The following TBC1D22A variants were observed in gnomAD, a reference collection of about 807,000 sequenced individuals.
TBC1D22A encodes the protein TBC1 domain family member 22A.
A neutral mutation model predicts 60.2 loss-of-function variants in TBC1D22A; 38 were observed. The observed-to-expected ratio is 0.63, with a 90% confidence interval of 0.49 to 0.83. The LOEUF (loss-of-function observed/expected upper bound fraction) is 0.83. Among genes scored for constraint, TBC1D22A ranks in the 40% least tolerant of loss-of-function variants. TBC1D22A has a pLI of 0.00. For synonymous variants in TBC1D22A, 302 were observed against 281.7 expected (o/e 1.07, Z -0.72); for missense variants, 628 against 701.0 (o/e 0.90, Z 1.18).
rs764790348 is a variant in TBC1D22A at position 47,009,632 on chromosome 22, C to T, written c.1201+11923C>T. ...ATCATCATTACTATCACCATCATTT[C>T]ATCACCGTCATCATTACCATCATCA... On this transcript the variant is annotated intron_variant, in intron 10 of 12. Coordinates refer to ENST00000337137, the MANE Select transcript of TBC1D22A (RefSeq NM_014346.5). This position sits in a 1 kb window ranked among gnomAD's most constrained non-coding sequence, Gnocchi z 5.8. Among the ~76,000 whole-genome samples the T allele has an allele frequency of 9.2e-5, 14 of 151,994 alleles. No individual in the cohort carries two copies. The East Asian group carries it at 1.4e-3, about 15-fold the overall frequency.
chr22:46,977,270 C>G (rs960750300), intron 9 of TBC1D22A, among the ~76,000 whole-genome samples: 5 of 152,142 alleles, frequency 3.3e-5, no homozygotes, highest in African/African-American at 1.2e-4. Flanking sequence ...TTTTGGCTCA[C>G]TTTGGAGCCT....
chr22:46,979,004 T>C (rs1158004249), intron 9 of TBC1D22A, among the ~76,000 whole-genome samples: 4 of 152,210 alleles, frequency 2.6e-5, no homozygotes, highest in African/African-American at 9.6e-5. Context: ...TAAAGGGTAG[T>C]TGTGATATGA....
chr22:47,003,927 C>T (rs370285086), intron 10 of TBC1D22A, among the ~76,000 whole-genome samples: 87 of 147,196 alleles, frequency 5.9e-4, no homozygotes, highest in African/African-American at 2.0e-3. Context: ...ACCCTACGCA[C>T]GCATGCCTGT....
intron 5 of TBC1D22A, among the ~76,000 whole-genome samples, chr22:46,883,362 T>G (rs1051415456): frequency 6.6e-6 from 1 of 152,244 alleles, no homozygotes; most frequent in Non-Finnish European, 1.5e-5. Context: ...CAATTAAGTT[T>G]TCTGTAGTTC....
intron 4 of TBC1D22A, among the ~76,000 whole-genome samples, chr22:46,835,252 A>C (rs2035033898): frequency 6.6e-6 from 1 of 152,378 alleles, no homozygotes; most frequent in South Asian, 2.1e-4. Context: ...CGAAAAGAAC[A>C]TTATAACTTT....
intron 9 of TBC1D22A, among the ~76,000 whole-genome samples, chr22:46,977,915 C>T (rs2074366036): frequency 6.6e-6 from 1 of 152,230 alleles, no homozygotes; most frequent in Non-Finnish European, 1.5e-5. Flanking sequence ...GCCTCCAGCA[C>T]AGGGGATTAC....
At chr22:46,770,139 A>C (rs908928497) in intron 1 of TBC1D22A, among the ~76,000 whole-genome samples, 15 of 152,230 alleles carry the variant, frequency 9.9e-5, no homozygotes, top group African/African-American at 3.6e-4. Flanking sequence ...GGACGTGGTC[A>C]GAGACATGGT....
chr22:46,887,128 C>T (rs1453722972), intron 5 of TBC1D22A, among the ~76,000 whole-genome samples: 1 of 152,178 alleles, frequency 6.6e-6, no homozygotes. Flanking sequence ...GATATGAACA[C>T]CTGTGAATCA....
At chr22:47,171,746 G>A (rs76020163) in intron 12 of TBC1D22A, among the ~76,000 whole-genome samples, 3,280 of 152,108 alleles carry the variant, frequency 0.022, 51 homozygotes, top group Middle Eastern at 0.044. Context: ...TCAGGCGGTG[G>A]TCGTGGGGGG....
intron 12 of TBC1D22A, among the ~76,000 whole-genome samples, chr22:47,172,656 T>C (rs1186355348): frequency 1.3e-5 from 2 of 152,232 alleles, no homozygotes. Context: ...AATTAATTTT[T>C]AAATCTCAGT....
intron 8 of TBC1D22A, among the ~76,000 whole-genome samples, chr22:46,945,416 CT>C (rs1402186850): frequency 6.6e-6 from 1 of 152,166 alleles, no homozygotes; most frequent in Non-Finnish European, 1.5e-5. Flanking sequence ...AAGAACTTTC[CT>C]TGTTATTATG....
intron 12 of TBC1D22A, among the ~76,000 whole-genome samples, chr22:47,160,292 C>T (rs908423853): frequency 9.9e-5 from 15 of 152,236 alleles, no homozygotes; most frequent in Admixed American, 5.9e-4. Flanking sequence ...GGGTGCCCAG[C>T]AGAGTTCTCA....
At chr22:47,120,970 C>G (rs2066250563) in intron 12 of TBC1D22A, among the ~76,000 whole-genome samples, 1 of 152,188 alleles carries the variant, frequency 6.6e-6, no homozygotes, top group Non-Finnish European at 1.5e-5. Context: ...ACATCATAAA[C>G]AAAATTCAAA....
At chr22:47,008,923 C>T (rs902756189) in intron 10 of TBC1D22A, among the ~76,000 whole-genome samples, 1 of 152,114 alleles carries the variant, frequency 6.6e-6, no homozygotes, top group Non-Finnish European at 1.5e-5. Flanking sequence ...AGGCCAGGAG[C>T]AACAATGGGA....
intron 5 of TBC1D22A, among the ~76,000 whole-genome samples, chr22:46,888,736 C>T (rs2068245365): frequency 6.6e-6 from 1 of 152,228 alleles, no homozygotes; most frequent in Non-Finnish European, 1.5e-5. Context: ...GAGACAGAGC[C>T]TTGCTCTGTT....
At chr22:46,977,387 C>T (rs1284877932) in intron 9 of TBC1D22A, among the ~76,000 whole-genome samples, 9 of 152,006 alleles carry the variant, frequency 5.9e-5, no homozygotes, top group African/African-American at 1.4e-4. Context: ...CTCAGAGAGG[C>T]GGAAGACTTT....
chr22:47,164,948 C>T (rs888535804), intron 12 of TBC1D22A, among the ~76,000 whole-genome samples: 13 of 152,158 alleles, frequency 8.5e-5, no homozygotes, highest in African/African-American at 3.1e-4. Flanking sequence ...TCTTTGACCT[C>T]TGTAATGTGT....
At chr22:47,146,476 T>C (rs1208078314) in intron 12 of TBC1D22A, among the ~76,000 whole-genome samples, 1 of 152,218 alleles carries the variant, frequency 6.6e-6, no homozygotes, top group Non-Finnish European at 1.5e-5. Flanking sequence ...CGTGGCTCCT[T>C]TGGGCCAGGC....
At chr22:47,168,136 A>G (rs547278161) in intron 12 of TBC1D22A, among the ~76,000 whole-genome samples, 1 of 152,338 alleles carries the variant, frequency 6.6e-6, no homozygotes, top group East Asian at 1.9e-4. Flanking sequence ...TTCACTGCCC[A>G]GCAAAGTGCT....
Sources: allele counts gnomAD v4.1 joint callset (sites outside exome capture counted in the v4.1 genomes callset), GRCh38; gene constraint gnomAD v4.1.1; non-coding constraint Gnocchi (gnomAD v3.1); transcripts MANE v1.5; gene names NCBI Gene and HGNC (gene_info 2026-07-23, HGNC 2026-07-21).